Variants in HTR2C observed in about 807,000 individuals in gnomAD.
The protein encoded by HTR2C is 5-hydroxytryptamine receptor 2C, also known as 5-hydroxytryptamine (serotonin) receptor 2C, G protein-coupled.
HTR2C carries 5 observed loss-of-function variants against 21.0 expected under a neutral mutation model. That is an observed-to-expected ratio of 0.24 (90% confidence interval 0.12 to 0.50). The LOEUF (loss-of-function observed/expected upper bound fraction) is 0.50, where lower values mean the gene tolerates loss of function less well. HTR2C is among the 20% of genes least tolerant of loss of function. The probability of loss-of-function intolerance (pLI) is 0.98; values close to 1 mark genes in which losing one functional copy is unlikely to be tolerated. For synonymous variants in HTR2C, 150 were observed against 145.3 expected (o/e 1.03, Z -0.23); for missense variants, 271 against 371.2 (o/e 0.73, Z 2.22).
At chrX:114,619,626 C>G (rs955698225) in intron 2 of HTR2C, among the ~76,000 whole-genome samples, 1 of 110,895 alleles carries the variant, frequency 9.0e-6, no homozygotes, top group African/African-American at 3.3e-5. Context: ...ACCAGTACAC[C>G]ATTTAACTCC....
chrX:114,622,476 T>C (rs1324296362), intron 2 of HTR2C, among the ~76,000 whole-genome samples: 1 of 111,781 alleles, frequency 8.9e-6, no homozygotes. Context: ...CTCCCAATTA[T>C]TTTTCTATTT....
At chrX:114,712,662 C>G (rs782076185) in intron 2 of HTR2C, among the ~76,000 whole-genome samples, 2 of 111,497 alleles carry the variant, frequency 1.8e-5, no homozygotes, top group Non-Finnish European at 3.8e-5. Flanking sequence ...TTGCACCTCC[C>G]CAGGGAGAGC....
rs782788140 is a variant in HTR2C, at chrX:114,593,659, G to A, written c.-147+9000G>A. Among the ~76,000 whole-genome samples the A allele has an allele frequency of 4.2e-5, 4 of 95,407 alleles. No individual in the cohort carries two copies. In the South Asian group the frequency reaches 2.3e-3, roughly 54 times the overall value. The allele number at this position is 95,407 out of a possible 115,157, so 82.8% of individuals were successfully genotyped here. On this transcript the variant is annotated intron_variant, in intron 1 of 5. Transcript: ENST00000276198. ...TATACAAAAAGACACAAGCACTGTGGGAAAGGTATTTATAGTGCAAATTTG... is the reference window on the plus strand; with the variant it reads ...TATACAAAAAGACACAAGCACTGTGAGAAAGGTATTTATAGTGCAAATTTG...
Position 114,658,042 on chromosome X carries a change from A to G in HTR2C, c.-80+44161A>G, listed in dbSNP as rs1441599910. ...TTCTGTAAATAGTAATTTTATTTTT[A>G]GAGGAAGAGTAAAACAATTTTTTTT... On this transcript the variant is annotated intron_variant, in intron 2 of 5. Coordinates refer to ENST00000276198, the MANE Select transcript of HTR2C (RefSeq NM_000868.4). Among the ~76,000 whole-genome samples, 3 of 83,689 alleles carry G rather than the reference A, an allele frequency of 3.6e-5. No individual in the cohort carries two copies. In the East Asian group the frequency reaches 1.1e-3, roughly 32 times the overall value. 72.7% of individuals were successfully genotyped at this position (83,689 alleles called of 115,157 possible).
intron 5 of HTR2C, among the ~76,000 whole-genome samples, chrX:114,882,727 A>G (rs1429397096): frequency 1.8e-5 from 2 of 110,212 alleles, no homozygotes; most frequent in East Asian, 5.7e-4. Context: ...TGCTGGATTC[A>G]GTGTACTAGT....
At chrX:114,741,160 G>A (rs781857794) in intron 4 of HTR2C, among the ~76,000 whole-genome samples, 2 of 110,473 alleles carry the variant, frequency 1.8e-5, no homozygotes, top group East Asian at 2.9e-4. Context: ...AGCAATGAGC[G>A]AAAACAGAAA....
At chrX:114,725,237 A>G (rs1487075762) in intron 2 of HTR2C, among the ~76,000 whole-genome samples, 12 of 109,931 alleles carry the variant, frequency 1.1e-4, no homozygotes, top group African/African-American at 3.0e-4. Flanking sequence ...TTTTCTCTAA[A>G]CTTCCCTTCT....
At chrX:114,722,127 A>T (rs1218562607) in intron 2 of HTR2C, among the ~76,000 whole-genome samples, 1 of 110,081 alleles carries the variant, frequency 9.1e-6, no homozygotes, top group African/African-American at 3.3e-5. Flanking sequence ...CATTTTCACG[A>T]TATTGATTCT....
At chrX:114,738,647 G>C (rs781815572) in intron 4 of HTR2C, among the ~76,000 whole-genome samples, 18 of 110,543 alleles carry the variant, frequency 1.6e-4, no homozygotes, top group South Asian at 1.2e-3. Context: ...GGGCATAGAG[G>C]GGGCAATGGG....
chrX:114,795,377 C>G (rs1395203260), intron 4 of HTR2C, among the ~76,000 whole-genome samples: 3 of 110,674 alleles, frequency 2.7e-5, no homozygotes, highest in African/African-American at 9.8e-5. Flanking sequence ...AATTAGATCC[C>G]ATTTGTCAAT....
chrX:114,591,686 A>T (rs1429674113), intron 1 of HTR2C, among the ~76,000 whole-genome samples: 2 of 112,094 alleles, frequency 1.8e-5, no homozygotes, highest in Non-Finnish European at 3.8e-5. Flanking sequence ...ATGAAGATGA[A>T]TAAAGAAAAG....
At chrX:114,769,803 C>G (rs2069982247) in intron 4 of HTR2C, among the ~76,000 whole-genome samples, 1 of 110,692 alleles carries the variant, frequency 9.0e-6, no homozygotes, top group Non-Finnish European at 1.9e-5. Flanking sequence ...GTCTTTTAAA[C>G]CATTTGGAAA....
intron 4 of HTR2C, among the ~76,000 whole-genome samples, chrX:114,839,994 G>A (rs1481932020): frequency 1.8e-5 from 2 of 110,785 alleles, no homozygotes; most frequent in African/African-American, 6.6e-5. Context: ...CTGATTGCTG[G>A]AAAAACAAAA....
rs201421789 is a variant in HTR2C, at chrX:114,624,876, GA to G, written c.-80+11003del. On this transcript the variant is annotated intron_variant, in intron 2 of 5. Coordinates refer to ENST00000276198, the MANE Select transcript of HTR2C (RefSeq NM_000868.4). ...AGAAAGCCCTGATGTCAAATTAGGG[GA>G]AAAAAAATGAAGAAAGGGCAAGATT... Among the ~76,000 whole-genome samples, 180 of 110,995 alleles carry G rather than the reference GA, an allele frequency of 1.6e-3. 1 individual carries two copies. Among genetic ancestry groups the G allele is most frequent in the African/African-American group, 5.6e-3 (171 of 30,607 alleles).
chrX:114,713,242 C>T (rs1363156558), intron 2 of HTR2C, among the ~76,000 whole-genome samples: 1 of 111,126 alleles, frequency 9.0e-6, no homozygotes, highest in Non-Finnish European at 1.9e-5. Context: ...TATTTAAAAT[C>T]ATTTCACATT....
At chrX:114,689,208 G>GTGTGTATATATATATATATATA (rs1556414750) in intron 2 of HTR2C, among the ~76,000 whole-genome samples, 1 of 72,740 alleles carries the variant, frequency 1.4e-5, no homozygotes, top group African/African-American at 5.4e-5. Context: ...GTATGTATGC[G>GTGTGTATATATATATATATATA]TATATATATA....
chrX:114,813,885 T>C (rs1454750213), intron 4 of HTR2C, among the ~76,000 whole-genome samples: 2 of 111,487 alleles, frequency 1.8e-5, no homozygotes, highest in Admixed American at 1.9e-4. Flanking sequence ...TGTAATGTCA[T>C]AAAGTTTACA....
intron 4 of HTR2C, chrX:114,776,374 G>A: frequency 1.4e-6 from 1 of 733,615 alleles, no homozygotes; most frequent in Non-Finnish European, 2.1e-6. Flanking sequence ...TCTTCCCAAG[G>A]TAGGCTTCTG....
intron 2 of HTR2C, among the ~76,000 whole-genome samples, chrX:114,635,056 A>G (rs1929788742): frequency 9.0e-6 from 1 of 111,549 alleles, no homozygotes; most frequent in African/African-American, 3.3e-5. Flanking sequence ...TTGCACATGT[A>G]TTAAATATAA....
Sources: gnomAD v4.1 joint callset for allele counts (sites outside exome capture counted in the v4.1 genomes callset) on GRCh38, gnomAD v4.1.1 for gene constraint, MANE v1.5 for transcripts, NCBI Gene and HGNC (gene_info 2026-07-23, HGNC 2026-07-21) for gene names.